The following SLC24A3 variants were observed in gnomAD, a reference collection of about 807,000 sequenced individuals.
SLC24A3 encodes sodium/potassium/calcium exchanger 3.
A neutral mutation model predicts 75.8 loss-of-function variants in SLC24A3; 28 were observed. That is an observed-to-expected ratio of 0.37 (90% CI 0.27 to 0.51). The LOEUF (loss-of-function observed/expected upper bound fraction) is 0.51, where lower values mean the gene tolerates loss of function less well. Ranked by LOEUF, SLC24A3 falls within the 20% of genes least tolerant of loss-of-function variation. The pLI is 0.94. For missense variants in SLC24A3, 663 were observed against 847.8 expected (o/e 0.78, Z 2.71); for synonymous variants, 372 against 334.1 (o/e 1.11, Z -1.24).
rs193080825 is a variant in SLC24A3, at chr20:19,348,246, T to G, written c.271+67159T>G. Among the ~76,000 whole-genome samples the G allele has an allele frequency of 3.7e-3, 564 of 152,308 alleles. 3 individuals carry two copies. Among genetic ancestry groups the G allele is most frequent in the Non-Finnish European group, 5.9e-3 (400 of 68,024 alleles). On this transcript the variant is annotated intron_variant, in intron 2 of 16. Coordinates refer to ENST00000328041, the MANE Select transcript of SLC24A3 (RefSeq NM_020689.4). ...GGCAAAAGGCGTTTCACACTTCAGA[T>G]AGGCCCCAGGAGGATGATTTGCTTT... is the stretch of plus-strand genomic sequence containing the variant.
chr20:19,449,151 G>A (rs910510553), intron 2 of SLC24A3, among the ~76,000 whole-genome samples: 7 of 152,254 alleles, frequency 4.6e-5, no homozygotes, highest in African/African-American at 1.7e-4. Flanking sequence ...AGAACTGGAT[G>A]AAATGCCTCT....
intron 1 of SLC24A3, among the ~76,000 whole-genome samples, chr20:19,278,041 G>T (rs985536213): frequency 1.3e-5 from 2 of 152,176 alleles, no homozygotes; most frequent in African/African-American, 4.8e-5. Context: ...ATATTACTTG[G>T]TTCTGACCTC....
intron 6 of SLC24A3, among the ~76,000 whole-genome samples, chr20:19,651,371 T>TTATACA: frequency 9.4e-6 from 1 of 105,948 alleles, no homozygotes; most frequent in South Asian, 3.0e-4. Flanking sequence ...CTGGTTTTTA[T>TTATACA]TATATATATA....
intron 6 of SLC24A3, among the ~76,000 whole-genome samples, chr20:19,604,287 C>A (rs1395925993): frequency 1.3e-5 from 2 of 152,080 alleles, no homozygotes; most frequent in Non-Finnish European, 1.5e-5. Context: ...GGAACAAAGG[C>A]CTCTATGAAG....
intron 3 of SLC24A3, 71 bp downstream of exon 3, chr20:19,515,635 G>C: frequency 3.4e-6 from 5 of 1,467,210 alleles, no homozygotes; most frequent in Non-Finnish European, 4.8e-6. Context: ...TGTGGCACCT[G>C]AGGTGCCCCC....
At position 19,428,341 on chromosome 20, in the gene SLC24A3, CA is replaced by C. The variant is rs765183107; in HGVS notation, c.272-87145del. Reference sequence around the variant, plus strand: ...ATTCACTGAGCTTGGACACAGCACTCAATCGACACCGTGTTAATACTGTGTG... The same window carrying C: ...ATTCACTGAGCTTGGACACAGCACTCATCGACACCGTGTTAATACTGTGTG... On this transcript the variant is annotated intron_variant, in intron 2 of 16. Coordinates refer to ENST00000328041, the MANE Select transcript of SLC24A3 (RefSeq NM_020689.4). Among the ~76,000 whole-genome samples, 24 of 152,294 alleles carry C rather than the reference CA, an allele frequency of 1.6e-4. 1 individual carries two copies. Among genetic ancestry groups the C allele is most frequent in the Admixed American group, 6.5e-4 (10 of 15,300 alleles).
chr20:19,227,809 T>A (rs2122142589), intron 1 of SLC24A3, among the ~76,000 whole-genome samples: 1 of 152,042 alleles, frequency 6.6e-6, no homozygotes, highest in South Asian at 2.1e-4. Context: ...ACCTTTCCTG[T>A]TTTTTGAAAA....
At position 19,337,469 on chromosome 20, in the gene SLC24A3, TA is replaced by T. The variant is rs1289207474; in HGVS notation, c.271+56385del. Among the ~76,000 whole-genome samples, 28 of 73,642 alleles carry T rather than the reference TA, an allele frequency of 3.8e-4. No homozygotes were observed. In the South Asian group the frequency reaches 8.0e-3, roughly 21 times the overall value. The allele number at this position is 73,642 out of a possible 152,430, so 48.3% of individuals were successfully genotyped here. A position where few individuals can be genotyped will look rare whatever the true frequency, so the allele number is the denominator to read the frequency against. ...CAAAATAAGTAAATAAATAAATAAA[TA>T]AATTAATTAATTAATTAAATAAAAG... On this transcript the variant is annotated intron_variant, in intron 2 of 16. Transcript: ENST00000328041.
chr20:19,296,268 C>CTCTT (rs1984057749), intron 2 of SLC24A3, among the ~76,000 whole-genome samples: 1 of 72,304 alleles, frequency 1.4e-5, no homozygotes, highest in Non-Finnish European at 2.6e-5. Context: ...AGCTAGTGGT[C>CTCTT]TTTTTTTTTT....
chr20:19,534,172 T>C (rs981028785), intron 3 of SLC24A3, among the ~76,000 whole-genome samples: 3 of 152,252 alleles, frequency 2.0e-5, no homozygotes, highest in African/African-American at 4.8e-5. Context: ...TCTGTAAATA[T>C]AGAATGTTGG....
intron 2 of SLC24A3, among the ~76,000 whole-genome samples, chr20:19,438,620 C>T (rs1452371790): frequency 6.6e-6 from 1 of 151,990 alleles, no homozygotes; most frequent in Non-Finnish European, 1.5e-5. Context: ...TTGGCCTCCC[C>T]ACCTGGCATT....
intron 1 of SLC24A3, among the ~76,000 whole-genome samples, chr20:19,249,098 C>G (rs1018989148): frequency 2.0e-5 from 3 of 151,826 alleles, no homozygotes; most frequent in Non-Finnish European, 4.4e-5. Flanking sequence ...TCCAGTCATT[C>G]CACATTGTAT....
At chr20:19,221,218 T>G (rs1981701575) in intron 1 of SLC24A3, among the ~76,000 whole-genome samples, 1 of 152,170 alleles carries the variant, frequency 6.6e-6, no homozygotes, top group Non-Finnish European at 1.5e-5. Flanking sequence ...CCCTCACACC[T>G]GGCTCTTCCA....
At chr20:19,253,833 G>A (rs1982732896) in intron 1 of SLC24A3, among the ~76,000 whole-genome samples, 1 of 152,204 alleles carries the variant, frequency 6.6e-6, no homozygotes, top group African/African-American at 2.4e-5. Context: ...AGCAAGACCT[G>A]ACAAGCTTGA....
intron 1 of SLC24A3, among the ~76,000 whole-genome samples, chr20:19,258,404 T>C (rs1177768991): frequency 1.3e-5 from 2 of 152,222 alleles, no homozygotes; most frequent in African/African-American, 4.8e-5. Context: ...TACAGAGGAA[T>C]AGTAATAAAC....
intron 2 of SLC24A3, among the ~76,000 whole-genome samples, chr20:19,499,521 C>T (rs888302979): frequency 6.6e-6 from 1 of 152,148 alleles, no homozygotes; most frequent in Non-Finnish European, 1.5e-5. Flanking sequence ...GTGGTTCTAT[C>T]CTCCCACCTT....
intron 2 of SLC24A3, among the ~76,000 whole-genome samples, chr20:19,489,932 A>C (rs548258305): frequency 6.6e-6 from 1 of 152,140 alleles, no homozygotes; most frequent in Admixed American, 6.5e-5. Flanking sequence ...TGAATCCAGC[A>C]CTAGATTTAG....
intron 3 of SLC24A3, among the ~76,000 whole-genome samples, chr20:19,575,554 A>T (rs901410742): frequency 1.3e-5 from 2 of 152,202 alleles, no homozygotes; most frequent in Admixed American, 1.3e-4. Flanking sequence ...CCTTGTGATC[A>T]TGAGACTAAA....
chr20:19,310,912 A>G (rs1984441337), intron 2 of SLC24A3, among the ~76,000 whole-genome samples: 1 of 152,170 alleles, frequency 6.6e-6, no homozygotes, highest in South Asian at 2.1e-4. Context: ...TGAGCTTATA[A>G]TCATGTTTAT....
Sources: gnomAD v4.1 joint callset for allele counts (sites outside exome capture counted in the v4.1 genomes callset) on GRCh38, gnomAD v4.1.1 for gene constraint, MANE v1.5 for transcripts, NCBI Gene and HGNC (gene_info 2026-07-23, HGNC 2026-07-21) for gene names.